GOSR1: variants seen among roughly 807,000 people sequenced by gnomAD.
GOSR1 encodes golgi SNAP receptor complex member 1.
GOSR1 carries 21 observed loss-of-function variants against 35.5 expected under a neutral mutation model. That is an observed-to-expected ratio of 0.59 (90% CI 0.42 to 0.85). GOSR1 has a LOEUF of 0.85. GOSR1 is among the 40% of genes least tolerant of loss of function. GOSR1 has a pLI of 0.00. For missense variants in GOSR1, 285 were observed against 309.6 expected (o/e 0.92, Z 0.60); for synonymous variants, 94 against 106.6 (o/e 0.88, Z 0.73).
chr17:30,499,021 C>T (rs1235676520), intron 6 of GOSR1, among the ~76,000 whole-genome samples: 1 of 152,190 alleles, frequency 6.6e-6, no homozygotes, highest in African/African-American at 2.4e-5. Context: ...GTCCCCGTCC[C>T]TCAGTCCCGG....
Position 30,526,674 on chromosome 17 carries a change from G to A in GOSR1, c.*4296G>A, listed in dbSNP as rs769621566. 5 of 152,520 alleles carry A rather than the reference G, an allele frequency of 3.3e-5. No homozygotes were observed. Among genetic ancestry groups the A allele is most frequent in the African/African-American group, 1.2e-4 (5 of 41,388 alleles). The allele number at this position is 152,520 out of a possible 1,614,324, so 9.4% of individuals were successfully genotyped here. On this transcript the variant is annotated 3_prime_UTR_variant, in exon 9 of 9. Coordinates refer to ENST00000451249, the MANE Select transcript of GOSR1 (RefSeq NM_001007025.2). ...ATTGTTTTCCAAATGCACTTTGTAA[G>A]TTTTTGCTTTTAAAATAGCTTCTTG...
intron 6 of GOSR1, among the ~76,000 whole-genome samples, chr17:30,506,238 C>T (rs1967398853): frequency 1.3e-5 from 2 of 152,106 alleles, no homozygotes; most frequent in South Asian, 2.1e-4. Flanking sequence ...GAAAGCATAC[C>T]GAAAGCCAAT....
chr17:30,478,060 T>C, intron 1 of GOSR1: 2 of 364,950 alleles, frequency 5.5e-6, no homozygotes, highest in Non-Finnish European at 7.6e-6. Context: ...CTCTAGAGTC[T>C]AGAATCGGTT....
Position 30,522,412 on chromosome 17 carries a change from C to T in GOSR1, c.*34C>T. 1 of 1,516,772 alleles carries T rather than the reference C, an allele frequency of 6.6e-7. No homozygotes were observed. The allele number at this position is 1,516,772 out of a possible 1,614,324, so 94.0% of individuals were successfully genotyped here. On this transcript the variant is annotated 3_prime_UTR_variant, in exon 9 of 9. Transcript: ENST00000451249. ...CTTCAGGGACTCTTGACAGCCACCG[C>T]TTTCACACCCTGGTCTGGAATAAGG...
At chr17:30,521,902 C>T (rs1968051463) in intron 8 of GOSR1, among the ~76,000 whole-genome samples, 1 of 152,158 alleles carries the variant, frequency 6.6e-6, no homozygotes, top group Non-Finnish European at 1.5e-5. Flanking sequence ...TGCCTCCCTG[C>T]CAGAGTTCCT....
At chr17:30,513,374 A>C (rs1391355241) in intron 7 of GOSR1, among the ~76,000 whole-genome samples, 1 of 152,218 alleles carries the variant, frequency 6.6e-6, no homozygotes, top group Non-Finnish European at 1.5e-5. Flanking sequence ...TTTTAAAAGC[A>C]TTATGTATTA....
At chr17:30,514,614 G>A (rs1367320117) in intron 7 of GOSR1, among the ~76,000 whole-genome samples, 1 of 152,170 alleles carries the variant, frequency 6.6e-6, no homozygotes, top group Non-Finnish European at 1.5e-5. Context: ...CAATGCTCTG[G>A]GCATTGAGTG....
At chr17:30,479,996 T>A (rs1264651851) in intron 1 of GOSR1, 1 of 152,102 alleles carries the variant, frequency 6.6e-6, no homozygotes, top group Non-Finnish European at 1.5e-5. Flanking sequence ...TAACTTTTTT[T>A]CTTTATGTTC....
chr17:30,486,690 G>C (rs1914705942), intron 4 of GOSR1, among the ~76,000 whole-genome samples: 1 of 151,988 alleles, frequency 6.6e-6, no homozygotes, highest in Admixed American at 6.6e-5. Flanking sequence ...AAAGCAAATA[G>C]TTTTCCTATT....
intron 2 of GOSR1, among the ~76,000 whole-genome samples, chr17:30,481,759 C>T (rs1460195002): frequency 6.6e-6 from 1 of 152,046 alleles, no homozygotes; most frequent in Non-Finnish European, 1.5e-5. Flanking sequence ...TAGTGTATTA[C>T]CATATTAAAT....
chr17:30,492,094 C>T (rs1160965269), intron 5 of GOSR1, among the ~76,000 whole-genome samples: 1 of 152,028 alleles, frequency 6.6e-6, no homozygotes, highest in Non-Finnish European at 1.5e-5. Flanking sequence ...AAAATTGTTC[C>T]TGATACTTTA....
At chr17:30,485,270 A>ATTTTT in intron 4 of GOSR1, 1 of 162,844 alleles carries the variant, frequency 6.1e-6, no homozygotes, top group South Asian at 1.3e-4. Flanking sequence ...TAGGAAGGCA[A>ATTTTT]TTTTTTTTTT....
chr17:30,523,347 G>A lies in GOSR1; in HGVS notation c.*969G>A, dbSNP rs1347757376. On this transcript the variant is annotated 3_prime_UTR_variant, in exon 9 of 9. Transcript: ENST00000451249. ...GTGAGGAGCTCCTCTGCCCGGCCGC[G>A]ACCCCGTCTGGGAGGTGAGGAGCGT... The A allele has an allele frequency of 4.5e-5, 7 of 155,638 alleles. No individual in the cohort carries two copies. The highest frequency in any genetic ancestry group is 2.1e-4 in the East Asian group (1 of 4,724). The allele number at this position is 155,638 out of a possible 1,614,324, so 9.6% of individuals were successfully genotyped here.
chr17:30,485,921 C>G (rs1204373062), intron 4 of GOSR1, among the ~76,000 whole-genome samples: 2 of 150,104 alleles, frequency 1.3e-5, no homozygotes, highest in African/African-American at 4.9e-5. Context: ...ACTTGTGAGG[C>G]TGAGGCAGGA....
chr17:30,497,002 A>G (rs1189905075), intron 6 of GOSR1, among the ~76,000 whole-genome samples: 1 of 152,236 alleles, frequency 6.6e-6, no homozygotes, highest in African/African-American at 2.4e-5. Flanking sequence ...TACCTTTGGC[A>G]GAGTTTTAGA....
chr17:30,517,682 C>T (rs1259351438), intron 7 of GOSR1, among the ~76,000 whole-genome samples: 1 of 151,672 alleles, frequency 6.6e-6, no homozygotes, highest in Non-Finnish European at 1.5e-5. Context: ...TTGAATGTTG[C>T]TTATCCAAAA....
rs1475376343 is a variant in GOSR1 at position 30,477,441 on chromosome 17, C to T, written c.8C>T (p.Ala3Val). The T allele has an allele frequency of 1.6e-5, 25 of 1,608,748 alleles. No homozygotes were observed. The highest frequency in any genetic ancestry group is 1.7e-4 in the Middle Eastern group (1 of 6,000). ...TGACGTTGGACGACAAAGATGGCGG[C>T]AGGGACCAGCAGTTACTGGGAAGGT... MA[A>V]GTSSYWEDLR... Residue 3 changes from alanine to valine, a missense_variant, in exon 1 of 9, where the codon GCA (alanine) becomes GTA (valine). This residue lies in a region of GOSR1 where 108 missense variants were observed against 98.9 expected (regional missense o/e 1.09). Transcript: ENST00000451249.
At chr17:30,517,006 C>T (rs746830216) in intron 7 of GOSR1, among the ~76,000 whole-genome samples, 17 of 152,208 alleles carry the variant, frequency 1.1e-4, no homozygotes, top group Admixed American at 3.9e-4. Flanking sequence ...TGAGCCACCG[C>T]GCCTAGCCCT....
chr17:30,510,969 G>A (rs945884298), intron 7 of GOSR1, 60 bp downstream of exon 7: 2 of 968,404 alleles, frequency 2.1e-6, no homozygotes, highest in Non-Finnish European at 3.3e-6. Context: ...TAAATTTAAT[G>A]AACAGTGTTA....
Sources: allele counts gnomAD v4.1 joint callset (sites outside exome capture counted in the v4.1 genomes callset), GRCh38; gene constraint gnomAD v4.1.1; regional missense constraint gnomAD v4.1.1; transcripts MANE v1.5; gene names NCBI Gene and HGNC (gene_info 2026-07-23, HGNC 2026-07-21).